Variants in PLCB4 observed in about 807,000 individuals in gnomAD.
PLCB4 encodes 1-phosphatidylinositol 4,5-bisphosphate phosphodiesterase beta-4.
A neutral mutation model predicts 178.8 loss-of-function variants in PLCB4; 77 were observed. The observed-to-expected ratio is 0.43, with a 90% confidence interval of 0.36 to 0.52. The LOEUF is 0.52. PLCB4 is among the 20% of genes least tolerant of loss of function. The pLI is 0.00. For synonymous variants in PLCB4, 496 were observed against 490.8 expected (o/e 1.01, Z -0.14); for missense variants, 1,024 against 1,453.4 (o/e 0.70, Z 4.80).
At chr20:9,333,571 G>A (rs1416334102) in intron 4 of PLCB4, among the ~76,000 whole-genome samples, 2 of 152,168 alleles carry the variant, frequency 1.3e-5, no homozygotes, top group East Asian at 3.9e-4. Flanking sequence ...TTTCGGCCAG[G>A]TAAGGAGTTG....
rs374610008 is a variant in PLCB4, at chr20:9,100,440, T to C, written c.-79+4098T>C. 3.0e-4 allele frequency among the ~76,000 whole-genome samples: 45 copies of C among 152,186 alleles called. No individual in the cohort carries two copies. The East Asian group carries it at 3.5e-3, about 12-fold the overall frequency. Reference sequence around the variant, plus strand: ...CCAGGCTGGAGTGCAGTGGCATGACTGCAGCTCACTGTAACCTCAAACTTC... The same window carrying C: ...CCAGGCTGGAGTGCAGTGGCATGACCGCAGCTCACTGTAACCTCAAACTTC... On this transcript the variant is annotated intron_variant, in intron 2 of 39. Transcript: ENST00000378473.
chr20:9,113,417 T>C (rs1433267035), intron 2 of PLCB4, among the ~76,000 whole-genome samples: 1 of 152,178 alleles, frequency 6.6e-6, no homozygotes, highest in Non-Finnish European at 1.5e-5. Flanking sequence ...ATGTGTAGTC[T>C]ACATTCTAAG....
At chr20:9,460,217 A>G (rs555737783) in intron 35 of PLCB4, among the ~76,000 whole-genome samples, 1 of 152,374 alleles carries the variant, frequency 6.6e-6, no homozygotes, top group South Asian at 2.1e-4. Flanking sequence ...TTAAAATGTC[A>G]TGGGCACTAA....
At chr20:9,388,890 A>G (rs901477236) in intron 15 of PLCB4, among the ~76,000 whole-genome samples, 7 of 152,200 alleles carry the variant, frequency 4.6e-5, no homozygotes, top group Non-Finnish European at 1.0e-4. Flanking sequence ...GAATAACTAA[A>G]TGACTACCTC....
chr20:9,229,164 C>G (rs552763690), intron 3 of PLCB4, among the ~76,000 whole-genome samples: 2 of 152,280 alleles, frequency 1.3e-5, no homozygotes, highest in East Asian at 1.9e-4. Context: ...CATAAAGCAG[C>G]CTTTTTTAAG....
chr20:9,357,750 C>T (rs758976179), intron 7 of PLCB4, among the ~76,000 whole-genome samples: 3 of 152,146 alleles, frequency 2.0e-5, no homozygotes, highest in East Asian at 1.9e-4. Flanking sequence ...AATCTGTTGG[C>T]GCCTTGATCT....
chr20:9,453,533 C>A, intron 33 of PLCB4, 71 bp downstream of exon 33: 1 of 846,944 alleles, frequency 1.2e-6, no homozygotes, highest in Admixed American at 2.4e-5. Flanking sequence ...AGTTTTGCTG[C>A]TGTTTAGGTC....
intron 36 of PLCB4, among the ~76,000 whole-genome samples, chr20:9,469,364 G>A (rs149634909): frequency 1.8e-4 from 27 of 152,302 alleles, no homozygotes; most frequent in South Asian, 1.0e-3. Context: ...GTGTCAGTCC[G>A]TTCTGGATGG....
At chr20:9,214,250 T>C (rs1434775994) in intron 2 of PLCB4, among the ~76,000 whole-genome samples, 1 of 152,176 alleles carries the variant, frequency 6.6e-6, no homozygotes, top group Admixed American at 6.5e-5. Flanking sequence ...CTTTTAAGAA[T>C]TTTATAGTTT....
At chr20:9,098,162 A>G (rs906889854) in intron 2 of PLCB4, among the ~76,000 whole-genome samples, 1 of 152,168 alleles carries the variant, frequency 6.6e-6, no homozygotes. Context: ...TTCAAAGACG[A>G]TATAGAGAAA....
intron 24 of PLCB4, among the ~76,000 whole-genome samples, 183 bp downstream of exon 24, chr20:9,409,364 A>G (rs78062792): frequency 0.033 from 5,017 of 152,230 alleles, 266 homozygotes; most frequent in East Asian, 0.25. Flanking sequence ...AGAGCAAACA[A>G]TGGTAGAAGA....
chr20:9,195,490 C>G (rs1416705484), intron 2 of PLCB4, among the ~76,000 whole-genome samples: 1 of 152,218 alleles, frequency 6.6e-6, no homozygotes, highest in African/African-American at 2.4e-5. Flanking sequence ...TTCACCAGTG[C>G]AGGTGGGTAT....
At chr20:9,317,067 C>T (rs2094907523) in intron 4 of PLCB4, among the ~76,000 whole-genome samples, 2 of 152,070 alleles carry the variant, frequency 1.3e-5, no homozygotes, top group South Asian at 4.2e-4. Context: ...TACAGCTATT[C>T]AACTTTGTCA....
At chr20:9,444,137 A>T (rs373045706) in intron 31 of PLCB4, 41 bp from the exon 32 acceptor site, 9 of 1,517,606 alleles carry the variant, frequency 5.9e-6, no homozygotes, top group Non-Finnish European at 8.2e-6. Context: ...ACAAAAAGAA[A>T]AAACAAAAAA....
intron 2 of PLCB4, among the ~76,000 whole-genome samples, chr20:9,157,167 C>T (rs2146962308): frequency 6.7e-6 from 1 of 149,046 alleles, no homozygotes; most frequent in South Asian, 2.1e-4. Flanking sequence ...CATTAAGCTA[C>T]ATGAACAAAT....
chr20:9,132,306 G>A (rs1037826180), intron 2 of PLCB4, among the ~76,000 whole-genome samples: 1 of 152,022 alleles, frequency 6.6e-6, no homozygotes, highest in Non-Finnish European at 1.5e-5. Context: ...GTGTGTGTGT[G>A]TGGTTGTTAA....
intron 3 of PLCB4, among the ~76,000 whole-genome samples, chr20:9,277,336 A>C (rs2094458764): frequency 6.6e-6 from 1 of 152,094 alleles, no homozygotes; most frequent in African/African-American, 2.4e-5. Flanking sequence ...GGAAAAGCGA[A>C]CTTTGCTGTT....
At chr20:9,144,174 T>A (rs1476601569) in intron 2 of PLCB4, among the ~76,000 whole-genome samples, 1 of 152,072 alleles carries the variant, frequency 6.6e-6, no homozygotes, top group Non-Finnish European at 1.5e-5. Context: ...TCTTGAAAGT[T>A]TAGTAAGTTT....
intron 35 of PLCB4, among the ~76,000 whole-genome samples, chr20:9,466,943 A>T (rs755899620): frequency 6.6e-5 from 10 of 152,160 alleles, no homozygotes; most frequent in Non-Finnish European, 1.3e-4. Context: ...ATACCCAGAG[A>T]ATTATAAACC....
Sources: gnomAD v4.1 joint callset for allele counts (sites outside exome capture counted in the v4.1 genomes callset) on GRCh38, gnomAD v4.1.1 for gene constraint, MANE v1.5 for transcripts, NCBI Gene and HGNC (gene_info 2026-07-23, HGNC 2026-07-21) for gene names.